Variants in EFCAB13 observed in about 807,000 individuals in gnomAD.
EFCAB13 encodes EF-hand calcium binding domain 13, also known as EF-hand calcium-binding domain-containing protein 13.
EFCAB13 carries 91 observed loss-of-function variants against 110.2 expected under a neutral mutation model. That is an observed-to-expected ratio of 0.83 (90% CI 0.70 to 0.98). The LOEUF (loss-of-function observed/expected upper bound fraction) is 0.98, where lower values mean the gene tolerates loss of function less well. Ranked by LOEUF, EFCAB13 falls within the 50% of genes least tolerant of loss-of-function variation. The pLI, the probability that EFCAB13 is intolerant of heterozygous loss-of-function variation, is 0.00. For synonymous variants in EFCAB13, 323 were observed against 369.9 expected (o/e 0.87, Z 1.45); for missense variants, 968 against 1,119.4 (o/e 0.86, Z 1.93).
chr17:47,364,812 A>G (rs775688587), intron 10 of EFCAB13, among the ~76,000 whole-genome samples: 11 of 152,362 alleles, frequency 7.2e-5, no homozygotes, highest in Admixed American at 1.3e-4. Flanking sequence ...AGTGTGGTTT[A>G]CAGGGCCTTG....
At chr17:47,437,373 C>G (rs993539969) in intron 24 of EFCAB13, among the ~76,000 whole-genome samples, 13 of 152,124 alleles carry the variant, frequency 8.5e-5, no homozygotes, top group Admixed American at 8.5e-4. Flanking sequence ...AAGTCCCCCA[C>G]TATTATTGTG....
chr17:47,349,762 T>C (rs113043353), intron 9 of EFCAB13, among the ~76,000 whole-genome samples: 1 of 58,938 alleles, frequency 1.7e-5, no homozygotes, highest in East Asian at 8.0e-4. Context: ...GATGTTTCTT[T>C]TTTTTTTTTT....
intron 21 of EFCAB13, among the ~76,000 whole-genome samples, chr17:47,411,403 T>C (rs1157472521): frequency 6.6e-6 from 1 of 152,226 alleles, no homozygotes; most frequent in African/African-American, 2.4e-5. Context: ...TCTGATGCCA[T>C]AAGACTTCCT....
At chr17:47,406,472 T>C (rs2065805991) in intron 20 of EFCAB13, among the ~76,000 whole-genome samples, 1 of 152,184 alleles carries the variant, frequency 6.6e-6, no homozygotes, top group Non-Finnish European at 1.5e-5. Flanking sequence ...TTGTATTTTA[T>C]TGTGGTCAGA....
intron 23 of EFCAB13, among the ~76,000 whole-genome samples, chr17:47,425,195 T>C (rs1402176285): frequency 6.6e-6 from 1 of 152,064 alleles, no homozygotes; most frequent in African/African-American, 2.4e-5. Context: ...CGGTTGACAA[T>C]CTTATGAGGA....
intron 23 of EFCAB13, among the ~76,000 whole-genome samples, chr17:47,420,473 C>A (rs533128158): frequency 4.2e-5 from 6 of 143,224 alleles, no homozygotes; most frequent in Non-Finnish European, 7.9e-5. Context: ...AGCATCTCTG[C>A]CCGGCCGCCA....
At chr17:47,369,178 A>G (rs952951001) in intron 10 of EFCAB13, among the ~76,000 whole-genome samples, 6 of 152,216 alleles carry the variant, frequency 3.9e-5, no homozygotes, top group Non-Finnish European at 5.9e-5. Flanking sequence ...GTGAACCTAC[A>G]GGACCTCCTG....
At chr17:47,429,760 T>C (rs1905071858) in intron 23 of EFCAB13, 58 bp from the exon 24 acceptor site, 7 of 1,506,250 alleles carry the variant, frequency 4.6e-6, no homozygotes, top group African/African-American at 1.4e-5. Context: ...AAGTGATAAC[T>C]AATAACATAT....
chr17:47,405,955 A>G (rs1308238633), intron 20 of EFCAB13, among the ~76,000 whole-genome samples: 2 of 151,774 alleles, frequency 1.3e-5, no homozygotes, highest in African/African-American at 2.4e-5. Context: ...AAGGCAGTCA[A>G]TTTTCATTTT....
At chr17:47,376,408 C>T (rs1354002016) in intron 12 of EFCAB13, among the ~76,000 whole-genome samples, 1 of 152,152 alleles carries the variant, frequency 6.6e-6, no homozygotes, top group East Asian at 1.9e-4. Context: ...GTGATATCTA[C>T]CTTTCTCGTG....
intron 11 of EFCAB13, among the ~76,000 whole-genome samples, chr17:47,370,737 TG>T (rs376398336): frequency 1.2e-4 from 12 of 96,166 alleles, no homozygotes; most frequent in East Asian, 4.9e-4. Flanking sequence ...TGTTGTTGTT[TG>T]TTTTTTTTTT....
chr17:47,435,041 G>A (rs987575143), intron 24 of EFCAB13, among the ~76,000 whole-genome samples: 2 of 151,876 alleles, frequency 1.3e-5, no homozygotes, highest in African/African-American at 4.8e-5. Context: ...AAATAGATGG[G>A]ACTTAATTAA....
intron 9 of EFCAB13, among the ~76,000 whole-genome samples, chr17:47,359,810 G>T (rs2065501840): frequency 8.5e-6 from 1 of 117,256 alleles, no homozygotes; most frequent in Admixed American, 1.2e-4. Context: ...AGAGTGTGAT[G>T]TTCCCCTTCC....
chr17:47,340,977 A>G (rs2065381170), intron 5 of EFCAB13, among the ~76,000 whole-genome samples: 3 of 151,848 alleles, frequency 2.0e-5, no homozygotes, highest in South Asian at 2.1e-4. Flanking sequence ...CAAATAGCCA[A>G]TTGGACATTA....
At chr17:47,381,551 A>G (rs2065647346) in intron 14 of EFCAB13, among the ~76,000 whole-genome samples, 1 of 152,192 alleles carries the variant, frequency 6.6e-6, no homozygotes, top group South Asian at 2.1e-4. Context: ...GAAGGGTTCC[A>G]ATTTCAGTTT....
chr17:47,420,993 G>A (rs1904676385), intron 23 of EFCAB13, among the ~76,000 whole-genome samples: 1 of 144,764 alleles, frequency 6.9e-6, no homozygotes, highest in Admixed American at 6.8e-5. Context: ...GGAGGTGAGG[G>A]GGTCAGCCCC....
At chr17:47,408,609 G>A (rs139697421) in intron 20 of EFCAB13, among the ~76,000 whole-genome samples, 181 of 152,238 alleles carry the variant, frequency 1.2e-3, no homozygotes, top group Non-Finnish European at 2.0e-3. Flanking sequence ...CCAAGATCAC[G>A]TCATTGCACT....
chr17:47,337,219 A>G lies in EFCAB13; in HGVS notation c.191+1863A>G, dbSNP rs1598719942. On this transcript the variant is annotated intron_variant, in intron 5 of 24. Transcript: ENST00000331493. ...TGGGAGCATCCCTTTACCTTCTTCC[A>G]TTAGCTTTCTTCAAGATAGGTTAGC... Among the ~76,000 whole-genome samples, 6 of 152,256 alleles carry G rather than the reference A, an allele frequency of 3.9e-5. No homozygotes were observed. The South Asian group carries it at 1.0e-3, about 26-fold the overall frequency.
intron 10 of EFCAB13, among the ~76,000 whole-genome samples, chr17:47,365,663 AG>A (rs1430953525): frequency 6.6e-6 from 1 of 152,136 alleles, no homozygotes; most frequent in Non-Finnish European, 1.5e-5. Flanking sequence ...GCAAATTACC[AG>A]TAAAAGTTGG....
Sources: allele counts gnomAD v4.1 joint callset (sites outside exome capture counted in the v4.1 genomes callset), GRCh38; gene constraint gnomAD v4.1.1; transcripts MANE v1.5; gene names NCBI Gene and HGNC (gene_info 2026-07-23, HGNC 2026-07-21).